The following PRLR variants were observed in gnomAD, a reference collection of about 807,000 sequenced individuals.
PRLR encodes hPRL receptor.
In PRLR, 13 loss-of-function variants were observed where a neutral mutation model predicts 40.2. The ratio of observed to expected loss-of-function variants is 0.32; its 90% CI spans 0.21 to 0.51. PRLR has a LOEUF of 0.51. PRLR is among the 20% of genes least tolerant of loss of function. PRLR has a pLI of 0.97. For missense variants in PRLR, 656 were observed against 747.3 expected (o/e 0.88, Z 1.42); for synonymous variants, 269 against 278.7 (o/e 0.97, Z 0.35).
intron 1 of PRLR, among the ~76,000 whole-genome samples, chr5:35,136,443 C>T (rs1462320535): frequency 6.6e-6 from 1 of 152,192 alleles, no homozygotes; most frequent in Non-Finnish European, 1.5e-5. Context: ...GGAGTCTACT[C>T]ACCAGATGCC....
chr5:35,219,430 T>C (rs1306607296), intron 1 of PRLR, among the ~76,000 whole-genome samples: 1 of 152,178 alleles, frequency 6.6e-6, no homozygotes, highest in Non-Finnish European at 1.5e-5. Context: ...AAAGGGTGGC[T>C]GGAAGGACTA....
intron 5 of PRLR, among the ~76,000 whole-genome samples, chr5:35,076,991 A>G (rs921728926): frequency 2.8e-4 from 43 of 152,224 alleles, no homozygotes; most frequent in Admixed American, 1.3e-4. Flanking sequence ...AGACAAGCAA[A>G]TGCTGAGAGA....
At chr5:35,139,939 C>CA (rs140682702) in intron 1 of PRLR, among the ~76,000 whole-genome samples, 152,352 of 152,356 alleles carry the variant, frequency 1, 76,174 homozygotes, top group Middle Eastern at 1. Flanking sequence ...TAGAAATGAG[C>CA]AAGTAGAGAA....
intron 5 of PRLR, among the ~76,000 whole-genome samples, chr5:35,079,108 A>G (rs1334195635): frequency 6.6e-6 from 1 of 152,230 alleles, no homozygotes; most frequent in African/African-American, 2.4e-5. Flanking sequence ...ATCATACTGA[A>G]TGGGCAAAAA....
chr5:35,143,969 C>T (rs4295366), intron 1 of PRLR, among the ~76,000 whole-genome samples: 120,024 of 151,656 alleles, frequency 0.79, 50,152 homozygotes, highest in Non-Finnish European at 0.92. Context: ...TCCAGCTCAT[C>T]CGTTTACTCA....
chr5:35,068,772 G>A lies in PRLR; in HGVS notation c.785+7C>T, dbSNP rs753695777. ...TTGGGAGGAAAAGTTGAGAGACAGT[G>A]AAGTACCTATAGCCCTTCAAAGCCA... is the stretch of plus-strand genomic sequence containing the variant. On this transcript the variant is annotated splice_region_variant and intron_variant, in intron 8 of 9. Transcript: ENST00000618457. 12 of 1,576,362 alleles carry A rather than the reference G, an allele frequency of 7.6e-6. No individual in the cohort carries two copies. In the South Asian group the frequency reaches 1.1e-4, roughly 15 times the overall value.
chr5:35,123,810 C>T (rs528593201), intron 1 of PRLR, among the ~76,000 whole-genome samples: 2 of 152,262 alleles, frequency 1.3e-5, no homozygotes, highest in East Asian at 3.9e-4. Context: ...TATAGTCTGT[C>T]ATTCTACCCT....
downstream of PRLR, among the ~76,000 whole-genome samples, chr5:35,052,835 G>T: frequency 6.6e-6 from 1 of 152,176 alleles, no homozygotes; most frequent in East Asian, 1.9e-4. Context: ...TTCTCACTCA[G>T]TCTGTCGGCA....
At chr5:35,131,882 C>T (rs544008140) in intron 1 of PRLR, among the ~76,000 whole-genome samples, 107 of 152,264 alleles carry the variant, frequency 7.0e-4, no homozygotes, top group African/African-American at 2.4e-3. Context: ...GTTATTCTTT[C>T]TTTAAAGGAG....
chr5:35,150,449 T>C (rs1484190118), intron 1 of PRLR, among the ~76,000 whole-genome samples: 5 of 152,260 alleles, frequency 3.3e-5, no homozygotes, highest in Non-Finnish European at 7.3e-5. Flanking sequence ...GCAGCCTTGA[T>C]ATCTAAATTT....
chr5:35,178,714 T>C (rs568323086), intron 1 of PRLR, among the ~76,000 whole-genome samples: 2 of 152,286 alleles, frequency 1.3e-5, no homozygotes, highest in South Asian at 4.1e-4. Flanking sequence ...ATTTTAACAA[T>C]GCACCAAACC....
chr5:35,126,609 A>G (rs1773477712), intron 1 of PRLR, among the ~76,000 whole-genome samples: 1 of 152,216 alleles, frequency 6.6e-6, no homozygotes, highest in African/African-American at 2.4e-5. Flanking sequence ...AAAGGGATCT[A>G]AATACGACTT....
intron 1 of PRLR, among the ~76,000 whole-genome samples, chr5:35,207,088 A>T (rs1776041856): frequency 6.6e-6 from 1 of 152,088 alleles, no homozygotes; most frequent in South Asian, 2.1e-4. Flanking sequence ...CACTTTTAAA[A>T]ATGTTATGTA....
At chr5:35,197,688 G>A (rs1002345498) in intron 1 of PRLR, among the ~76,000 whole-genome samples, 18 of 152,232 alleles carry the variant, frequency 1.2e-4, no homozygotes, top group African/African-American at 4.3e-4. Flanking sequence ...ATCCCCAAGA[G>A]AGGACCCTCA....
chr5:35,081,360 C>A, intron 5 of PRLR: 1 of 213,582 alleles, frequency 4.7e-6, no homozygotes, highest in South Asian at 8.1e-5. Context: ...AGGGCAAGGT[C>A]ATCTCTGAGC....
chr5:35,146,874 G>A (rs1458889722), intron 1 of PRLR, among the ~76,000 whole-genome samples: 2 of 152,100 alleles, frequency 1.3e-5, no homozygotes, highest in African/African-American at 2.4e-5. Flanking sequence ...CAAATGAGCT[G>A]GAGAAGATGC....
rs1030410308 is a variant in PRLR, at chr5:35,227,545, TA to T, written c.-106+2722del. On this transcript the variant is annotated intron_variant, in intron 1 of 9. Transcript: ENST00000618457. ...TGCTTAGCACATCTTAAAGGCTCAG[TA>T]AATAGTAGGCATGAATATTGCTATC... Among the ~76,000 whole-genome samples, 29 of 152,352 alleles carry T rather than the reference TA, an allele frequency of 1.9e-4. 1 individual carries two copies. Among genetic ancestry groups the T allele is most frequent in the Admixed American group, 1.6e-3 (24 of 15,304 alleles).
intron 1 of PRLR, among the ~76,000 whole-genome samples, chr5:35,158,449 G>A (rs1031627854): frequency 3.3e-5 from 5 of 152,240 alleles, no homozygotes; most frequent in African/African-American, 1.2e-4. Flanking sequence ...TTCATATTAA[G>A]TACACAAGAA....
intron 1 of PRLR, among the ~76,000 whole-genome samples, chr5:35,183,318 T>G (rs574594060): frequency 6.6e-6 from 1 of 152,376 alleles, no homozygotes; most frequent in Non-Finnish European, 1.5e-5. Flanking sequence ...AGAATTTCTC[T>G]TCTACAGGAA....
Sources: gnomAD v4.1 joint callset for allele counts (sites outside exome capture counted in the v4.1 genomes callset) on GRCh38, gnomAD v4.1.1 for gene constraint, MANE v1.5 for transcripts, NCBI Gene and HGNC (gene_info 2026-07-23, HGNC 2026-07-21) for gene names.